Variants in PHIP observed in about 807,000 individuals in gnomAD.
The protein encoded by PHIP is PHIP subunit of CUL4-Ring ligase complex.
Under a neutral mutation model 236.8 loss-of-function variants are expected in PHIP, and 54 were observed. The observed-to-expected ratio is 0.23, with a 90% confidence interval of 0.18 to 0.29. PHIP has a LOEUF of 0.29. PHIP is among the 10% of genes least tolerant of loss of function. The probability of loss-of-function intolerance (pLI) is 1.00; values close to 1 mark genes in which losing one functional copy is unlikely to be tolerated. For missense variants in PHIP, 1,370 were observed against 2,190.8 expected (o/e 0.63, Z 7.48); for synonymous variants, 756 against 718.9 (o/e 1.05, Z -0.83).
chr6:79,053,691 T>C (rs1475419962), intron 6 of PHIP, among the ~76,000 whole-genome samples: 1 of 152,176 alleles, frequency 6.6e-6, no homozygotes, highest in Non-Finnish European at 1.5e-5. Flanking sequence ...TAAAAAGTCA[T>C]GACCTTATGA....
At chr6:78,952,442 A>G (rs1346898907) in intron 35 of PHIP, among the ~76,000 whole-genome samples, 47 of 141,192 alleles carry the variant, frequency 3.3e-4, no homozygotes, top group African/African-American at 1.2e-3. Flanking sequence ...AAAAAAAAAG[A>G]AAAAAAAAAA....
intron 9 of PHIP, among the ~76,000 whole-genome samples, chr6:79,023,799 A>C (rs1280518276): frequency 6.6e-6 from 1 of 152,198 alleles, no homozygotes; most frequent in Non-Finnish European, 1.5e-5. Flanking sequence ...TAGCAATAAA[A>C]TCCTCAAGAA....
chr6:79,048,207 T>C (rs1340401649), intron 6 of PHIP, among the ~76,000 whole-genome samples: 2 of 152,174 alleles, frequency 1.3e-5, no homozygotes, highest in Non-Finnish European at 1.5e-5. Context: ...GAAATGTAAA[T>C]TTAACTTTAC....
At chr6:79,028,812 T>C (rs187629160) in intron 7 of PHIP, among the ~76,000 whole-genome samples, 222 of 152,336 alleles carry the variant, frequency 1.5e-3, no homozygotes, top group African/African-American at 4.9e-3. Context: ...ATCATTCTTA[T>C]GAATCTTTGA....
At chr6:78,973,782 C>T (rs529269226) in intron 24 of PHIP, among the ~76,000 whole-genome samples, 39 of 151,840 alleles carry the variant, frequency 2.6e-4, no homozygotes, top group Non-Finnish European at 4.9e-4. Flanking sequence ...ACAAAGAAGG[C>T]CATTACATAA....
Position 79,017,234 on chromosome 6 carries a change from G to T in PHIP, c.1136+112C>A, listed in dbSNP as rs540292586. On this transcript the variant is annotated intron_variant, in intron 12 of 39. Coordinates refer to ENST00000275034, the MANE Select transcript of PHIP (RefSeq NM_017934.7). Reference sequence around the variant, plus strand: ...TTCACTTTTAAGTATAACTGGTCAAGATCTTTTAGGTAGGTGATTATTTCC... The same window carrying T: ...TTCACTTTTAAGTATAACTGGTCAATATCTTTTAGGTAGGTGATTATTTCC... The T allele has an allele frequency of 6.9e-5, 43 of 622,766 alleles. No homozygotes were observed. In the South Asian group the frequency reaches 1.0e-3, roughly 15 times the overall value. 38.6% of individuals were successfully genotyped at this position (622,766 alleles called of 1,614,324 possible).
intron 17 of PHIP, among the ~76,000 whole-genome samples, chr6:78,998,689 A>G (rs960928538): frequency 6.6e-6 from 1 of 152,200 alleles, no homozygotes; most frequent in Non-Finnish European, 1.5e-5. Context: ...ACTCCACTTT[A>G]TAGATGAGAA....
intron 27 of PHIP, among the ~76,000 whole-genome samples, chr6:78,968,498 C>T (rs1253159227): frequency 6.6e-6 from 1 of 152,150 alleles, no homozygotes; most frequent in African/African-American, 2.4e-5. Flanking sequence ...CGGGGGGTTC[C>T]GTAGGATCAA....
At chr6:79,039,284 C>T (rs1772094010) in intron 7 of PHIP, among the ~76,000 whole-genome samples, 1 of 152,152 alleles carries the variant, frequency 6.6e-6, no homozygotes, top group Admixed American at 6.5e-5. Context: ...CATATTTATT[C>T]TATGCCATAT....
chr6:78,987,006 A>AAT (rs1768910739), intron 21 of PHIP, among the ~76,000 whole-genome samples: 1 of 152,134 alleles, frequency 6.6e-6, no homozygotes. Context: ...GAACCAAAAA[A>AAT]ATCAGAATTC....
chr6:78,986,636 T>A (rs1582171820), intron 21 of PHIP, among the ~76,000 whole-genome samples: 1 of 152,212 alleles, frequency 6.6e-6, no homozygotes, highest in Admixed American at 6.5e-5. Flanking sequence ...TGGTGTTACT[T>A]ACTTGCTGGG....
intron 6 of PHIP, among the ~76,000 whole-genome samples, chr6:79,050,135 A>AG (rs1315136029): frequency 6.6e-6 from 1 of 152,112 alleles, no homozygotes; most frequent in Non-Finnish European, 1.5e-5. Flanking sequence ...TAAAAAAAAA[A>AG]AGTCTTATCT....
chr6:78,965,190 T>C (rs1202272346), intron 29 of PHIP, among the ~76,000 whole-genome samples: 1 of 152,194 alleles, frequency 6.6e-6, no homozygotes, highest in African/African-American at 2.4e-5. Context: ...TTTACACACA[T>C]GATGCTATTT....
chr6:79,035,549 A>G (rs1015932389), intron 7 of PHIP, among the ~76,000 whole-genome samples: 1 of 152,202 alleles, frequency 6.6e-6, no homozygotes, highest in Non-Finnish European at 1.5e-5. Flanking sequence ...AAAATATCTT[A>G]GAGAATTTGG....
Position 78,938,562 on chromosome 6 carries a change from C to G in PHIP, c.*2131G>C, listed in dbSNP as rs1186320158. On this transcript the variant is annotated 3_prime_UTR_variant, in exon 40 of 40. Coordinates refer to ENST00000275034, the MANE Select transcript of PHIP (RefSeq NM_017934.7). ...AAAGCAACTAATTAATGACAAATTTCAAACATACACTATTATTTTCAAGAA... is the reference window on the plus strand; with the variant it reads ...AAAGCAACTAATTAATGACAAATTTGAAACATACACTATTATTTTCAAGAA... The G allele has an allele frequency of 6.6e-6, 1 of 151,534 alleles. No homozygotes were observed. Among genetic ancestry groups the G allele is most frequent in the Non-Finnish European group, 1.5e-5 (1 of 67,576 alleles). 9.4% of individuals were successfully genotyped at this position (151,534 alleles called of 1,614,324 possible).
At chr6:79,023,073 G>A (rs1771203336) in intron 9 of PHIP, among the ~76,000 whole-genome samples, 1 of 152,264 alleles carries the variant, frequency 6.6e-6, no homozygotes, top group East Asian at 1.9e-4. Context: ...GCAATGGATT[G>A]TTCTTGTTTT....
At chr6:78,970,251 A>G (rs1468515375) in intron 25 of PHIP, 78 bp from the exon 26 acceptor site, 1 of 1,283,466 alleles carries the variant, frequency 7.8e-7, no homozygotes, top group African/African-American at 1.5e-5. Flanking sequence ...TGTTGAGAAA[A>G]AACTTCTTGG....
intron 7 of PHIP, among the ~76,000 whole-genome samples, chr6:79,038,609 T>C (rs1256948776): frequency 6.6e-6 from 1 of 152,172 alleles, no homozygotes. Context: ...CTTCTTTTTT[T>C]TCCCCTAGCC....
chr6:79,015,424 T>G (rs1770789438), intron 14 of PHIP, among the ~76,000 whole-genome samples: 2 of 151,626 alleles, frequency 1.3e-5, no homozygotes, highest in African/African-American at 4.8e-5. Flanking sequence ...TCTTTTCATA[T>G]TAAAAAAACA....
Sources: gnomAD v4.1 joint callset for allele counts (sites outside exome capture counted in the v4.1 genomes callset) on GRCh38, gnomAD v4.1.1 for gene constraint, MANE v1.5 for transcripts, NCBI Gene and HGNC (gene_info 2026-07-23, HGNC 2026-07-21) for gene names.